The following XRCC4 variants were observed in gnomAD, a reference collection of about 807,000 sequenced individuals.
XRCC4 encodes the protein DNA repair protein XRCC4.
In XRCC4, 28 loss-of-function variants were observed where a neutral mutation model predicts 39.1. That is an observed-to-expected ratio of 0.72 (90% CI 0.53 to 0.98). The LOEUF (loss-of-function observed/expected upper bound fraction) is 0.98. Among genes scored for constraint, XRCC4 ranks in the 50% least tolerant of loss-of-function variants. XRCC4 has a pLI of 0.00. For missense variants in XRCC4, 350 were observed against 376.4 expected (o/e 0.93, Z 0.58); for synonymous variants, 123 against 126.4 (o/e 0.97, Z 0.18).
At chr5:83,371,392 C>T in the XRCC4 span, among the ~76,000 whole-genome samples, 1 of 152,128 alleles carries the variant, frequency 6.6e-6, no homozygotes, top group South Asian at 2.1e-4. Context: ...CCCAGTCTTT[C>T]TTTTTTACTG....
chr5:83,082,135 T>G (rs1425433968), intron 1 of XRCC4, among the ~76,000 whole-genome samples: 1 of 152,246 alleles, frequency 6.6e-6, no homozygotes, highest in Non-Finnish European at 1.5e-5. Flanking sequence ...CCCACTATCA[T>G]TTCTTGCCTG....
intron 7 of XRCC4, among the ~76,000 whole-genome samples, chr5:83,307,068 T>G (rs1373944196): frequency 6.6e-6 from 1 of 152,222 alleles, no homozygotes; most frequent in East Asian, 1.9e-4. Context: ...GTTAACATAG[T>G]CTAGCCTCAC....
At chr5:83,313,356 A>G (rs28360306) in intron 7 of XRCC4, among the ~76,000 whole-genome samples, 62 of 152,160 alleles carry the variant, frequency 4.1e-4, no homozygotes, top group African/African-American at 1.4e-3. Context: ...TAGACAACAC[A>G]TTTACATCTA....
chr5:83,162,816 TGTG>T (rs1219605445), intron 3 of XRCC4, among the ~76,000 whole-genome samples: 2 of 152,216 alleles, frequency 1.3e-5, no homozygotes, highest in Non-Finnish European at 2.9e-5. Flanking sequence ...TCAGCCATCA[TGTG>T]GTGGACATCT....
At chr5:83,123,828 A>C (rs1463124654) in intron 3 of XRCC4, among the ~76,000 whole-genome samples, 1 of 152,098 alleles carries the variant, frequency 6.6e-6, no homozygotes, top group African/African-American at 2.4e-5. Flanking sequence ...AGCTTATGCT[A>C]TTGTGGTCAT....
chr5:83,251,701 A>G (rs985295731), intron 6 of XRCC4, among the ~76,000 whole-genome samples: 2 of 151,944 alleles, frequency 1.3e-5, no homozygotes, highest in Non-Finnish European at 2.9e-5. Context: ...TCCAAAGATG[A>G]CCTCCTGAGT....
At chr5:83,215,346 A>G (rs1248464254) in intron 6 of XRCC4, among the ~76,000 whole-genome samples, 2 of 152,136 alleles carry the variant, frequency 1.3e-5, no homozygotes, top group Non-Finnish European at 2.9e-5. Flanking sequence ...CTCAAAAAAA[A>G]CAAAAAAATT....
chr5:83,202,238 A>G (rs942858224), intron 4 of XRCC4: 2 of 152,224 alleles, frequency 1.3e-5, no homozygotes, highest in African/African-American at 2.4e-5. Context: ...AAAGATGTCC[A>G]TATTAATTTA....
At chr5:83,152,912 G>A (rs1448014008) in intron 3 of XRCC4, among the ~76,000 whole-genome samples, 1 of 152,172 alleles carries the variant, frequency 6.6e-6, no homozygotes, top group Middle Eastern at 3.4e-3. Flanking sequence ...AGTTTTAAAT[G>A]CATTCATTTT....
intron 3 of XRCC4, among the ~76,000 whole-genome samples, chr5:83,144,288 T>TGC (rs1441766401): frequency 1.3e-5 from 2 of 151,220 alleles, no homozygotes; most frequent in Non-Finnish European, 2.9e-5. Context: ...TGTGTGTGTG[T>TGC]GTGTGTGTGT....
At chr5:83,305,753 T>A (rs542998379) in intron 7 of XRCC4, among the ~76,000 whole-genome samples, 58 of 152,304 alleles carry the variant, frequency 3.8e-4, no homozygotes, top group African/African-American at 9.4e-4. Context: ...CCATGGTAAC[T>A]AACTCTTCTT....
intron 7 of XRCC4, among the ~76,000 whole-genome samples, chr5:83,270,758 CG>C (rs199636954): frequency 2.9e-5 from 4 of 138,242 alleles, no homozygotes; most frequent in Admixed American, 7.3e-5. Flanking sequence ...TTCATTTTTT[CG>C]AAAAAAAAAA....
At chr5:83,086,700 G>T (rs1183724715) in intron 1 of XRCC4, among the ~76,000 whole-genome samples, 1 of 152,072 alleles carries the variant, frequency 6.6e-6, no homozygotes, top group Non-Finnish European at 1.5e-5. Context: ...AGTGTAAGTG[G>T]ACCCACACAG....
At chr5:83,174,971 T>A (rs1749887806) in intron 3 of XRCC4, among the ~76,000 whole-genome samples, 1 of 152,192 alleles carries the variant, frequency 6.6e-6, no homozygotes, top group African/African-American at 2.4e-5. Context: ...AAGCAGATAG[T>A]CTGATTAATC....
chr5:83,297,126 A>G (rs1755121717), intron 7 of XRCC4, among the ~76,000 whole-genome samples: 2 of 151,890 alleles, frequency 1.3e-5, no homozygotes, highest in African/African-American at 2.4e-5. Flanking sequence ...ACAAAATATA[A>G]GTAAACTGAA....
At chr5:83,352,154 G>A (rs541489385) in intron 7 of XRCC4, among the ~76,000 whole-genome samples, 2 of 152,130 alleles carry the variant, frequency 1.3e-5, no homozygotes, top group African/African-American at 4.8e-5. Context: ...AATAGACCTG[G>A]GTTCAAACTT....
rs183838574 is a variant in XRCC4 at position 83,126,409 on chromosome 5, G to T, written c.315+15206G>T. On this transcript the variant is annotated intron_variant, in intron 3 of 7. Transcript: ENST00000396027. ...TAAATTCCCTTATTTGTTCTAGGTGGTTTTTTGTTGTTATTGTTGTTTGCT... is the reference window on the plus strand; with the variant it reads ...TAAATTCCCTTATTTGTTCTAGGTGTTTTTTTGTTGTTATTGTTGTTTGCT... 1.5e-4 allele frequency among the ~76,000 whole-genome samples: 23 copies of T among 152,086 alleles called. No individual in the cohort carries two copies. The East Asian group carries it at 4.3e-3, about 28-fold the overall frequency.
At chr5:83,163,051 G>A (rs1346538292) in intron 3 of XRCC4, among the ~76,000 whole-genome samples, 1 of 150,316 alleles carries the variant, frequency 6.7e-6, no homozygotes, top group African/African-American at 2.5e-5. Context: ...CCAAGTTCAA[G>A]CAATTCTGCC....
chr5:83,328,373 A>G (rs367586216), intron 7 of XRCC4, among the ~76,000 whole-genome samples: 56 of 152,266 alleles, frequency 3.7e-4, no homozygotes, highest in African/African-American at 1.3e-3. Context: ...GAAAATTCAA[A>G]AGAATCTATA....
Sources: allele counts gnomAD v4.1 joint callset (sites outside exome capture counted in the v4.1 genomes callset), GRCh38; gene constraint gnomAD v4.1.1; transcripts MANE v1.5; gene names NCBI Gene and HGNC (gene_info 2026-07-23, HGNC 2026-07-21).